Variants in GABRB2 observed in about 807,000 individuals in gnomAD.
GABRB2 encodes gamma-aminobutyric acid receptor subunit beta-2.
A neutral mutation model predicts 54.7 loss-of-function variants in GABRB2; 16 were observed. The observed-to-expected ratio is 0.29, with a 90% CI of 0.20 to 0.44. The LOEUF is 0.44. Ranked by LOEUF, GABRB2 falls within the 20% of genes least tolerant of loss-of-function variation. The pLI, the probability that GABRB2 is intolerant of heterozygous loss-of-function variation, is 1.00. For missense variants in GABRB2, 355 were observed against 644.0 expected (o/e 0.55, Z 4.86); for synonymous variants, 244 against 233.8 (o/e 1.04, Z -0.40).
At chr5:161,462,833 A>G (rs374564408) in intron 3 of GABRB2, among the ~76,000 whole-genome samples, 1 of 152,142 alleles carries the variant, frequency 6.6e-6, no homozygotes, top group African/African-American at 2.4e-5. Context: ...TTCGAACTCA[A>G]TGTTAGTGCG....
intron 4 of GABRB2, among the ~76,000 whole-genome samples, chr5:161,439,213 G>T (rs965983175): frequency 1.3e-3 from 205 of 152,276 alleles, no homozygotes; most frequent in African/African-American, 4.7e-3. Flanking sequence ...CTTTTCAGTG[G>T]AAACCTTACA....
chr5:161,527,769 TTAAC>T (rs937582603), intron 3 of GABRB2, among the ~76,000 whole-genome samples: 3 of 151,578 alleles, frequency 2.0e-5, no homozygotes, highest in Non-Finnish European at 3.0e-5. Flanking sequence ...ATCATGGAAA[TTAAC>T]TATTTTACAG....
intron 3 of GABRB2, among the ~76,000 whole-genome samples, chr5:161,516,994 T>G (rs1759970672): frequency 6.6e-6 from 1 of 152,314 alleles, no homozygotes; most frequent in Non-Finnish European, 1.5e-5. Context: ...CTTTCATGTC[T>G]TTTGTCATGA....
chr5:161,505,611 C>A (rs1348613854), intron 3 of GABRB2, among the ~76,000 whole-genome samples: 1 of 151,956 alleles, frequency 6.6e-6, no homozygotes, highest in African/African-American at 2.4e-5. Context: ...TAGAGTGTAG[C>A]CCAGAAATGT....
At chr5:161,431,799 G>GT (rs1757178858) in intron 4 of GABRB2, among the ~76,000 whole-genome samples, 1 of 152,102 alleles carries the variant, frequency 6.6e-6, no homozygotes, top group Non-Finnish European at 1.5e-5. Context: ...TCCTAAGGTG[G>GT]ATATTAATCA....
intron 4 of GABRB2, among the ~76,000 whole-genome samples, chr5:161,434,072 T>C (rs989022699): frequency 6.6e-6 from 1 of 152,146 alleles, no homozygotes; most frequent in African/African-American, 2.4e-5. Flanking sequence ...AAAAGCACCA[T>C]GGAAGGATTT....
chr5:161,411,084 G>A (rs775471986), intron 4 of GABRB2, 27 bp from the exon 5 acceptor site: 28 of 1,549,352 alleles, frequency 1.8e-5, no homozygotes, highest in Admixed American at 6.7e-5. Flanking sequence ...AATGATGAGT[G>A]TTGTTAGCAG....
chr5:161,324,137 T>C (rs929123921), intron 9 of GABRB2, among the ~76,000 whole-genome samples: 22 of 152,176 alleles, frequency 1.4e-4, no homozygotes, highest in African/African-American at 5.3e-4. Context: ...GGTGTATACT[T>C]ATACTAAAAG....
At chr5:161,502,108 T>C (rs908697192) in intron 3 of GABRB2, among the ~76,000 whole-genome samples, 6 of 150,898 alleles carry the variant, frequency 4.0e-5, no homozygotes, top group Admixed American at 2.6e-4. Context: ...TTATATAATT[T>C]ATAATAATTT....
intron 4 of GABRB2, among the ~76,000 whole-genome samples, chr5:161,425,857 A>G (rs1387793103): frequency 2.0e-5 from 3 of 152,132 alleles, no homozygotes; most frequent in African/African-American, 2.4e-5. Flanking sequence ...TTTTTCAAAT[A>G]TAATATGTGA....
At chr5:161,347,002 G>C (rs1754337324) in intron 5 of GABRB2, among the ~76,000 whole-genome samples, 1 of 152,214 alleles carries the variant, frequency 6.6e-6, no homozygotes, top group East Asian at 1.9e-4. Flanking sequence ...AGAAACTTCG[G>C]AGGTGGACAG....
intron 5 of GABRB2, among the ~76,000 whole-genome samples, chr5:161,349,424 A>C (rs1754408579): frequency 6.6e-6 from 1 of 152,130 alleles, no homozygotes; most frequent in Admixed American, 6.6e-5. Flanking sequence ...TTGAATATGG[A>C]ATTAGTATGC....
intron 5 of GABRB2, among the ~76,000 whole-genome samples, chr5:161,358,387 T>G (rs946511662): frequency 6.6e-6 from 1 of 151,970 alleles, no homozygotes; most frequent in African/African-American, 2.4e-5. Flanking sequence ...TATGTTAAAA[T>G]AGAGACTAGG....
At chr5:161,455,910 C>T (rs1036912143) in intron 4 of GABRB2, among the ~76,000 whole-genome samples, 2 of 152,116 alleles carry the variant, frequency 1.3e-5, no homozygotes, top group African/African-American at 4.8e-5. Context: ...ATTCAATAAG[C>T]ATTGATATTT....
intron 3 of GABRB2, among the ~76,000 whole-genome samples, chr5:161,494,542 T>TGC (rs1210427374): frequency 8.5e-6 from 1 of 117,592 alleles, no homozygotes; most frequent in Non-Finnish European, 1.7e-5. Context: ...GGTATGCGTG[T>TGC]GTGTGTGTGT....
chr5:161,305,308 G>A (rs1006166687), intron 9 of GABRB2, among the ~76,000 whole-genome samples: 8 of 152,112 alleles, frequency 5.3e-5, no homozygotes, highest in South Asian at 4.1e-4. Context: ...GAGCCACCAC[G>A]CCCGGCCGAT....
intron 4 of GABRB2, among the ~76,000 whole-genome samples, chr5:161,417,352 T>C: frequency 6.6e-6 from 1 of 152,218 alleles, no homozygotes; most frequent in East Asian, 1.9e-4. Flanking sequence ...AGTTAAGTCA[T>C]ATTGTTATTC....
chr5:161,412,309 G>A (rs1185275861), intron 4 of GABRB2, among the ~76,000 whole-genome samples: 1 of 152,096 alleles, frequency 6.6e-6, no homozygotes, highest in Non-Finnish European at 1.5e-5. Flanking sequence ...TAAGGTTTGT[G>A]CTCTGTTAAT....
intron 5 of GABRB2, among the ~76,000 whole-genome samples, chr5:161,355,288 A>G (rs917281075): frequency 4.0e-5 from 6 of 148,504 alleles, no homozygotes; most frequent in Non-Finnish European, 7.4e-5. Context: ...TATATAATAT[A>G]TAGAAAATAT....
Sources: allele counts gnomAD v4.1 joint callset (sites outside exome capture counted in the v4.1 genomes callset), GRCh38; gene constraint gnomAD v4.1.1; transcripts MANE v1.5; gene names NCBI Gene and HGNC (gene_info 2026-07-23, HGNC 2026-07-21).